The following PRR5L variants were observed in gnomAD, a reference collection of about 807,000 sequenced individuals.
PRR5L encodes proline-rich protein 5-like.
A neutral mutation model predicts 36.4 loss-of-function variants in PRR5L; 21 were observed. That is an observed-to-expected ratio of 0.58 (90% CI 0.41 to 0.83). PRR5L has a LOEUF of 0.83. PRR5L is among the 40% of genes least tolerant of loss of function. PRR5L has a pLI of 0.00. For synonymous variants in PRR5L, 188 were observed against 197.0 expected, an observed-to-expected ratio of 0.95 and a Z score of 0.38; for missense variants, 381 against 473.3, an observed-to-expected ratio of 0.80 and a Z score of 1.81.
intron 3 of PRR5L, among the ~76,000 whole-genome samples, chr11:36,415,816 C>G (rs941109170): frequency 6.6e-6 from 1 of 152,154 alleles, no homozygotes; most frequent in African/African-American, 2.4e-5. Flanking sequence ...AATCAAGGAG[C>G]TATATATTTC....
Position 36,350,998 on chromosome 11 carries a change from A to ATATATTTATATATATTTATATATT in PRR5L, c.-125-49994_-125-49993insTTATATATATTTATATATTTATAT, listed in dbSNP as rs1554986991. ...TATATATTTATATATTTATATATTTATATATATTTATATAGTTATATATTT... is the reference window on the plus strand; with the variant it reads ...TATATATTTATATATTTATATATTTATATATTTATATATATTTATATATTTATATATTTATATAGTTATATATTT... On this transcript the variant is annotated intron_variant, in intron 1 of 8. Transcript: ENST00000530639. Among the ~76,000 whole-genome samples, 105 of 51,762 alleles carry ATATATTTATATATATTTATATATT rather than the reference A, an allele frequency of 2.0e-3. 13 individuals are homozygous for ATATATTTATATATATTTATATATT. Among genetic ancestry groups the ATATATTTATATATATTTATATATT allele is most frequent in the Non-Finnish European group, 2.2e-3 (67 of 30,336 alleles). The allele number at this position is 51,762 out of a possible 152,430, so 34.0% of individuals were successfully genotyped here. A position where few individuals can be genotyped will look rare whatever the true frequency, so the allele number is the denominator to read the frequency against.
chr11:36,413,698 A>AT, intron 3 of PRR5L, among the ~76,000 whole-genome samples: 1 of 142,504 alleles, frequency 7.0e-6, no homozygotes, highest in South Asian at 2.3e-4. Context: ...ATTTATTTCT[A>AT]TTTTTTATTT....
intron 1 of PRR5L, among the ~76,000 whole-genome samples, chr11:36,373,453 A>C (rs1040430966): frequency 1.3e-5 from 2 of 152,128 alleles, no homozygotes; most frequent in African/African-American, 2.4e-5. Flanking sequence ...CCTCTTAAGA[A>C]AATTCTGGCT....
chr11:36,400,187 T>G (rs1258595939), intron 1 of PRR5L, among the ~76,000 whole-genome samples: 1 of 152,076 alleles, frequency 6.6e-6, no homozygotes, highest in Admixed American at 6.6e-5. Context: ...AGCAAAAGTG[T>G]GGGGGAAGGA....
chr11:36,315,901 G>A (rs1190023359), intron 1 of PRR5L, among the ~76,000 whole-genome samples: 1 of 152,202 alleles, frequency 6.6e-6, no homozygotes, highest in Non-Finnish European at 1.5e-5. Flanking sequence ...CCTAAGAAGT[G>A]GGTGGGCCTG....
chr11:36,368,206 GA>G (rs1857163871), intron 1 of PRR5L, among the ~76,000 whole-genome samples: 1 of 152,128 alleles, frequency 6.6e-6, no homozygotes, highest in Non-Finnish European at 1.5e-5. Flanking sequence ...ACATCTAAGA[GA>G]GTGATCATAA....
intron 1 of PRR5L, among the ~76,000 whole-genome samples, chr11:36,351,415 ATATATATT>A (rs1176450529): frequency 0.021 from 1,423 of 68,520 alleles, 75 homozygotes; most frequent in Middle Eastern, 0.04. Flanking sequence ...ATATATATGT[ATATATATT>A]TATATATTTA....
In PRR5L at chr11:36,425,057, G is replaced by C. The variant is rs1023316012; in HGVS notation, c.294+5754G>C. 2.6e-5 allele frequency among the ~76,000 whole-genome samples: 4 copies of C among 152,072 alleles called. No homozygotes were observed. In the East Asian group the frequency reaches 7.7e-4, roughly 29 times the overall value. ...GGCTGGTCTCGAACTCCTGACCTCA[G>C]GTGATCCACCCGCCTCGGCCTCCCA... is the stretch of plus-strand genomic sequence containing the variant. On this transcript the variant is annotated intron_variant, in intron 4 of 8. Transcript: ENST00000530639.
In PRR5L at chr11:36,424,908, G is replaced by A. The variant is rs1423198697; in HGVS notation, c.294+5605G>A. Among the ~76,000 whole-genome samples, 5 of 151,838 alleles carry A rather than the reference G, an allele frequency of 3.3e-5. No homozygotes were observed. In the South Asian group the frequency reaches 8.3e-4, roughly 25 times the overall value. On this transcript the variant is annotated intron_variant, in intron 4 of 8. Transcript: ENST00000530639. ...ACGATCTTGGCTCAATGCAACCTCC[G>A]CCTCCCGGATTCAAGTGATTCTCCT...
At chr11:36,430,326 T>C (rs900264909) in intron 4 of PRR5L, among the ~76,000 whole-genome samples, 24 of 152,220 alleles carry the variant, frequency 1.6e-4, no homozygotes, top group African/African-American at 5.8e-4. Context: ...GTGGGAGAAT[T>C]GCGTGAACCT....
At chr11:36,299,367 A>G (rs1248412748) in intron 1 of PRR5L, among the ~76,000 whole-genome samples, 4 of 152,156 alleles carry the variant, frequency 2.6e-5, no homozygotes, top group African/African-American at 9.7e-5. Flanking sequence ...GTAGTGGGCA[A>G]TTGGGACTTG....
intron 1 of PRR5L, among the ~76,000 whole-genome samples, chr11:36,350,332 T>G (rs1465572095): frequency 6.6e-6 from 1 of 151,322 alleles, no homozygotes; most frequent in East Asian, 1.9e-4. Context: ...TGTGTGAGTG[T>G]GTGTGTATGC....
intron 5 of PRR5L, among the ~76,000 whole-genome samples, chr11:36,434,173 T>C (rs1469361297): frequency 3.9e-5 from 6 of 152,176 alleles, no homozygotes; most frequent in Non-Finnish European, 8.8e-5. Context: ...TGGCATGGCC[T>C]GAGAGCACCA....
At chr11:36,353,573 A>G (rs1856996979) in intron 1 of PRR5L, among the ~76,000 whole-genome samples, 1 of 152,142 alleles carries the variant, frequency 6.6e-6, no homozygotes, top group African/African-American at 2.4e-5. Flanking sequence ...ACCAGGGACT[A>G]GTTTTGTGGA....
At chr11:36,346,993 G>A (rs1189503811) in intron 1 of PRR5L, among the ~76,000 whole-genome samples, 2 of 152,198 alleles carry the variant, frequency 1.3e-5, no homozygotes, top group African/African-American at 2.4e-5. Context: ...ACAAAAGCAA[G>A]CAGTGGATCA....
intron 1 of PRR5L, among the ~76,000 whole-genome samples, chr11:36,346,091 T>A (rs1476857387): frequency 2.0e-5 from 3 of 152,176 alleles, no homozygotes; most frequent in African/African-American, 7.2e-5. Flanking sequence ...TGGGGCCTTA[T>A]CATCTTGGGA....
intron 1 of PRR5L, among the ~76,000 whole-genome samples, chr11:36,317,509 G>C (rs1028833507): frequency 4.6e-5 from 7 of 152,138 alleles, no homozygotes; most frequent in Non-Finnish European, 1.0e-4. Context: ...GAGATTTGTC[G>C]CTTTTCCTAC....
chr11:36,341,337 A>T (rs913703784), intron 1 of PRR5L, among the ~76,000 whole-genome samples: 1 of 152,216 alleles, frequency 6.6e-6, no homozygotes, highest in Non-Finnish European at 1.5e-5. Context: ...CAAAGGGAAT[A>T]TGGCTGGTTC....
At chr11:36,460,513 C>T (rs979653476) in intron 8 of PRR5L, among the ~76,000 whole-genome samples, 3 of 152,242 alleles carry the variant, frequency 2.0e-5, no homozygotes, top group South Asian at 2.1e-4. Flanking sequence ...GTGTCTCTAG[C>T]GGTCATCCTC....
Sources: allele counts gnomAD v4.1 joint callset (sites outside exome capture counted in the v4.1 genomes callset), GRCh38; gene constraint gnomAD v4.1.1; transcripts MANE v1.5; gene names NCBI Gene and HGNC (gene_info 2026-07-23, HGNC 2026-07-21).